GRM8: variants seen among roughly 807,000 people sequenced by gnomAD.
The protein encoded by GRM8 is metabotropic glutamate receptor 8.
Under a neutral mutation model 87.2 loss-of-function variants are expected in GRM8, and 47 were observed. The ratio of observed to expected loss-of-function variants is 0.54; its 90% confidence interval spans 0.43 to 0.69. The LOEUF is 0.69. Among genes scored for constraint, GRM8 ranks in the 30% least tolerant of loss-of-function variants. The pLI, the probability that GRM8 is intolerant of heterozygous loss-of-function variation, is 0.00. For missense variants in GRM8, 1,019 were observed against 1,139.2 expected (o/e 0.89, Z 1.52); for synonymous variants, 396 against 404.5 (o/e 0.98, Z 0.25).
intron 7 of GRM8, among the ~76,000 whole-genome samples, chr7:126,670,538 T>A (rs4728047): frequency 0.16 from 24,448 of 152,234 alleles, 2,264 homozygotes; most frequent in South Asian, 0.21. Flanking sequence ...GACATTTTGT[T>A]ATTCACAGAC....
intron 5 of GRM8, among the ~76,000 whole-genome samples, chr7:126,903,434 T>C (rs1802296510): frequency 1.3e-5 from 2 of 151,678 alleles, no homozygotes; most frequent in East Asian, 1.9e-4. Context: ...CCTCCAACAA[T>C]GCTATAACCA....
chr7:126,488,208 C>T (rs188663126), intron 9 of GRM8, among the ~76,000 whole-genome samples: 7 of 151,910 alleles, frequency 4.6e-5, no homozygotes, highest in South Asian at 4.1e-4. Context: ...TTCATGGTAG[C>T]GAAGAACAGA....
At chr7:126,650,098 TG>T (rs1803638794) in intron 7 of GRM8, among the ~76,000 whole-genome samples, 5 of 152,224 alleles carry the variant, frequency 3.3e-5, no homozygotes, top group African/African-American at 1.2e-4. Context: ...TCACCACGTC[TG>T]CCTATCACTT....
rs184661408 is a variant in GRM8, at chr7:127,216,513, G to T, written c.510+26182C>A. 7.5e-4 allele frequency among the ~76,000 whole-genome samples: 58 copies of T among 77,064 alleles called. 1 individual carries two copies. In the East Asian group the frequency reaches 0.016, roughly 21 times the overall value. The allele number at this position is 77,064 out of a possible 152,430, so 50.6% of individuals were successfully genotyped here. On this transcript the variant is annotated intron_variant, in intron 2 of 10. Transcript: ENST00000339582. ...AGCCTGGGCGACAGAGCGAGACTCC[G>T]TCTCAAAAAAAAAAAAAAAAACAAA...
chr7:127,204,093 G>C (rs1020678868), intron 2 of GRM8, among the ~76,000 whole-genome samples: 1 of 151,712 alleles, frequency 6.6e-6, no homozygotes. Flanking sequence ...AAAATAGCAG[G>C]ACTCAAGCCA....
intron 8 of GRM8, among the ~76,000 whole-genome samples, chr7:126,534,373 C>A (rs6980438): frequency 0.34 from 50,988 of 151,944 alleles, 9,034 homozygotes; most frequent in South Asian, 0.41. Context: ...AAGGAAATGG[C>A]AAAATGAGTT....
chr7:126,619,540 T>C (rs573502001), intron 7 of GRM8, among the ~76,000 whole-genome samples: 5 of 136,834 alleles, frequency 3.7e-5, no homozygotes, highest in Non-Finnish European at 8.4e-5. Context: ...AAAGAAATGC[T>C]ATTTACATTA....
At chr7:127,033,174 G>A (rs1192708519) in intron 3 of GRM8, among the ~76,000 whole-genome samples, 2 of 151,734 alleles carry the variant, frequency 1.3e-5, no homozygotes. Flanking sequence ...ATCTTCTTCT[G>A]TGTTAACTTC....
At chr7:126,660,577 T>C (rs930103200) in intron 7 of GRM8, among the ~76,000 whole-genome samples, 2 of 152,214 alleles carry the variant, frequency 1.3e-5, no homozygotes, top group African/African-American at 4.8e-5. Context: ...TTTGGATACA[T>C]GTCTACACTT....
At chr7:126,594,950 T>C (rs1201239284) in intron 8 of GRM8, among the ~76,000 whole-genome samples, 1 of 152,146 alleles carries the variant, frequency 6.6e-6, no homozygotes, top group Non-Finnish European at 1.5e-5. Context: ...GGTTTCTTCA[T>C]AACTATTTTA....
At chr7:126,815,766 T>C (rs1316344522) in intron 6 of GRM8, among the ~76,000 whole-genome samples, 4 of 152,178 alleles carry the variant, frequency 2.6e-5, no homozygotes, top group African/African-American at 4.8e-5. Context: ...CTTTTTGTCA[T>C]AGTGCTCATG....
intron 3 of GRM8, among the ~76,000 whole-genome samples, chr7:127,074,592 T>G (rs1307229164): frequency 6.6e-6 from 1 of 152,148 alleles, no homozygotes; most frequent in African/African-American, 2.4e-5. Context: ...AATGAGAAGA[T>G]GATTTTCAGA....
chr7:126,493,991 G>A (rs1166851786), intron 9 of GRM8, among the ~76,000 whole-genome samples: 1 of 151,986 alleles, frequency 6.6e-6, no homozygotes, highest in Admixed American at 6.6e-5. Flanking sequence ...CAGCTCTGCG[G>A]AGCTGCTTCC....
chr7:127,116,611 G>C (rs890656725), intron 2 of GRM8, among the ~76,000 whole-genome samples: 1 of 152,226 alleles, frequency 6.6e-6, no homozygotes, highest in African/African-American at 2.4e-5. Flanking sequence ...GCAAGGGACA[G>C]GGCAAGCTTC....
chr7:126,552,056 T>C (rs1792648913), intron 8 of GRM8, among the ~76,000 whole-genome samples: 1 of 152,124 alleles, frequency 6.6e-6, no homozygotes, highest in Non-Finnish European at 1.5e-5. Flanking sequence ...TTACTCTTGT[T>C]TTGCCTCTGC....
chr7:126,470,507 A>G (rs1045850338), intron 9 of GRM8, among the ~76,000 whole-genome samples: 1 of 151,940 alleles, frequency 6.6e-6, no homozygotes, highest in Non-Finnish European at 1.5e-5. Flanking sequence ...ATTTCCCTAC[A>G]AAGGACATGA....
chr7:126,692,386 G>T lies in GRM8; in HGVS notation c.1357+77479C>A, dbSNP rs1585546252. ...AAAGAATGATGAGGAAATGCCTGAG[G>T]TTGAGTCCCAAAGTACTCTAAGTGT... On this transcript the variant is annotated intron_variant, in intron 7 of 10. Transcript: ENST00000339582. Among the ~76,000 whole-genome samples, 3 of 152,318 alleles carry T rather than the reference G, an allele frequency of 2.0e-5. No homozygotes were observed. The East Asian group carries it at 5.8e-4, about 29-fold the overall frequency.
intron 3 of GRM8, among the ~76,000 whole-genome samples, chr7:126,927,281 A>G (rs767852128): frequency 1.3e-5 from 2 of 152,072 alleles, no homozygotes; most frequent in Non-Finnish European, 2.9e-5. Flanking sequence ...GACTACAGCC[A>G]TATGCCATCA....
At chr7:126,887,940 A>T (rs1056689853) in intron 6 of GRM8, among the ~76,000 whole-genome samples, 1 of 151,896 alleles carries the variant, frequency 6.6e-6, no homozygotes, top group Non-Finnish European at 1.5e-5. Flanking sequence ...AATTAATGAA[A>T]CCCCTATGGA....
Sources: allele counts gnomAD v4.1 joint callset (sites outside exome capture counted in the v4.1 genomes callset), GRCh38; gene constraint gnomAD v4.1.1; transcripts MANE v1.5; gene names NCBI Gene and HGNC (gene_info 2026-07-23, HGNC 2026-07-21).